The following EPB41L4A variants were observed in gnomAD, a reference collection of about 807,000 sequenced individuals.
EPB41L4A encodes the protein band 4.1-like protein 4A.
A neutral mutation model predicts 108.6 loss-of-function variants in EPB41L4A; 100 were observed. The ratio of observed to expected loss-of-function variants is 0.92; its 90% CI spans 0.78 to 1.09. The LOEUF (loss-of-function observed/expected upper bound fraction) is 1.09. Ranked by LOEUF, EPB41L4A falls within the 50% of genes least tolerant of loss-of-function variation. The pLI is 0.00. For synonymous variants in EPB41L4A, 319 were observed against 289.0 expected, an observed-to-expected ratio of 1.10 and a Z score of -1.05; for missense variants, 1,030 against 842.7, an observed-to-expected ratio of 1.22 and a Z score of -2.75.
At chr5:112,146,040 A>G (rs17134156) in intron 12 of EPB41L4A, 4 of 454,298 alleles carry the variant, frequency 8.8e-6, no homozygotes, top group South Asian at 1.6e-5. Flanking sequence ...GTCAAACCCA[A>G]TCTGGCTTCT....
At chr5:112,239,877 T>G in intron 10 of EPB41L4A, 140 bp from the exon 11 acceptor site, 1 of 475,914 alleles carries the variant, frequency 2.1e-6, no homozygotes. Context: ...CAATTCATAC[T>G]CCATGAGGAT....
intron 15 of EPB41L4A, among the ~76,000 whole-genome samples, chr5:112,197,912 T>C (rs1056675130): frequency 6.6e-6 from 1 of 152,214 alleles, no homozygotes; most frequent in East Asian, 1.9e-4. Flanking sequence ...AATGTCTTTA[T>C]TCTATACAAA....
intron 15 of EPB41L4A, among the ~76,000 whole-genome samples, chr5:112,199,608 T>C (rs1028837689): frequency 3.3e-5 from 5 of 152,170 alleles, no homozygotes; most frequent in Non-Finnish European, 7.4e-5. Context: ...CCCATGTGAA[T>C]CCCACACTTG....
At chr5:112,159,966 A>T (rs1759793099), downstream of EPB41L4A, among the ~76,000 whole-genome samples, 1 of 141,338 alleles carries the variant, frequency 7.1e-6, no homozygotes, top group Non-Finnish European at 1.5e-5. Context: ...AAGTGGCATG[A>T]TCTCGGCTCA....
At chr5:112,383,836 G>A (rs933191480) in intron 1 of EPB41L4A, among the ~76,000 whole-genome samples, 10 of 151,968 alleles carry the variant, frequency 6.6e-5, no homozygotes, top group African/African-American at 2.2e-4. Flanking sequence ...ACTATATTGG[G>A]ACAAAAAGTT....
chr5:112,240,659 T>C (rs1749712518), intron 10 of EPB41L4A, 60 bp downstream of exon 10: 2 of 952,154 alleles, frequency 2.1e-6, no homozygotes, highest in East Asian at 2.7e-5. Context: ...ATTCTTTTTA[T>C]AAAAATAAAT....
chr5:112,214,581 G>C (rs1385784562), intron 12 of EPB41L4A, among the ~76,000 whole-genome samples: 1 of 152,108 alleles, frequency 6.6e-6, no homozygotes, highest in African/African-American at 2.4e-5. Flanking sequence ...GGCTAAAGCA[G>C]TGAAACCCCA....
At chr5:112,145,885 C>A (rs1364357119) in exon 13 of EPB41L4A, 4 of 455,514 alleles carry the variant, frequency 8.8e-6, no homozygotes, top group Non-Finnish European at 1.8e-5. Flanking sequence ...ACTTACATCC[C>A]AGCCCCAATA....
At chr5:112,234,554 A>C in intron 12 of EPB41L4A, 80 bp downstream of exon 12, 1 of 1,343,616 alleles carries the variant, frequency 7.4e-7, no homozygotes, top group Non-Finnish European at 1.0e-6. Flanking sequence ...AGAGTTATAG[A>C]CATCACCTGA....
chr5:112,168,671 C>T (rs1760392016), intron 22 of EPB41L4A, 68 bp downstream of exon 22: 1 of 1,320,888 alleles, frequency 7.6e-7, no homozygotes, highest in South Asian at 1.2e-5. Context: ...AGGAACTTTC[C>T]AAAGCACAAA....
intron 1 of EPB41L4A, among the ~76,000 whole-genome samples, chr5:112,352,069 T>G (rs1409293214): frequency 6.6e-6 from 1 of 152,220 alleles, no homozygotes; most frequent in Non-Finnish European, 1.5e-5. Flanking sequence ...CTGAAAGCTA[T>G]CTTTTTAAAA....
intron 9 of EPB41L4A, among the ~76,000 whole-genome samples, chr5:112,254,603 T>A (rs1195525212): frequency 6.6e-6 from 1 of 152,148 alleles, no homozygotes; most frequent in Non-Finnish European, 1.5e-5. Context: ...AGAGTCAGGC[T>A]GAACCAGGCA....
In EPB41L4A at chr5:112,419,273, G is replaced by T. The variant is rs1212576063; in HGVS notation, c.-234C>A. ...GGGAGCCGCCGGGGAAGCGCCGGCG[G>T]AACTGGGCGCGGAGGGCGGTGGCGC... is the stretch of plus-strand genomic sequence containing the variant. On this transcript the variant is annotated 5_prime_UTR_variant, in exon 1 of 23. Transcript: ENST00000261486. 3.1e-5 allele frequency: 12 copies of T among 389,488 alleles called. No homozygotes were observed. The East Asian group carries it at 5.8e-4, about 19-fold the overall frequency. 24.1% of individuals were successfully genotyped at this position (389,488 alleles called of 1,614,324 possible). A position where few individuals can be genotyped will look rare whatever the true frequency, so the allele number is the denominator to read the frequency against.
intron 9 of EPB41L4A, among the ~76,000 whole-genome samples, chr5:112,254,571 T>A (rs1750932277): frequency 6.6e-6 from 1 of 152,134 alleles, no homozygotes; most frequent in African/African-American, 2.4e-5. Flanking sequence ...TGCCCACAGT[T>A]AAGAGAGGCC....
chr5:112,246,345 T>C (rs1316430860), intron 9 of EPB41L4A, among the ~76,000 whole-genome samples: 2 of 152,154 alleles, frequency 1.3e-5, no homozygotes, highest in Non-Finnish European at 2.9e-5. Context: ...ATACTTACCA[T>C]AGTGTTCCAA....
intron 12 of EPB41L4A, among the ~76,000 whole-genome samples, chr5:112,148,643 C>T (rs985317818): frequency 1.3e-5 from 2 of 152,164 alleles, no homozygotes; most frequent in African/African-American, 4.8e-5. Flanking sequence ...CTTGCCACCT[C>T]TGAGAAACAG....
Position 112,313,486 on chromosome 5 carries a change from G to T in EPB41L4A, c.100-5996C>A, listed in dbSNP as rs1193327870. On this transcript the variant is annotated intron_variant, in intron 1 of 22. Coordinates refer to ENST00000261486, the MANE Select transcript of EPB41L4A (RefSeq NM_022140.5). ...CGCGCCTGTAATCCCAGCTTCTCAG[G>T]AGGCTGAGGCAGAAGAATCGCTTGA... Among the ~76,000 whole-genome samples the T allele has an allele frequency of 2.6e-5, 4 of 152,156 alleles. No individual in the cohort carries two copies. The South Asian group carries it at 6.2e-4, about 24-fold the overall frequency.
At chr5:112,272,198 A>C (rs1240760109) in intron 4 of EPB41L4A, among the ~76,000 whole-genome samples, 1 of 143,696 alleles carries the variant, frequency 7.0e-6, no homozygotes, top group Non-Finnish European at 1.5e-5. Context: ...GCAGTGCCGC[A>C]ATCTTGGCTC....
chr5:112,302,175 C>A (rs1026219988), intron 2 of EPB41L4A, among the ~76,000 whole-genome samples: 1 of 152,032 alleles, frequency 6.6e-6, no homozygotes, highest in Admixed American at 6.6e-5. Context: ...AATTTCAATT[C>A]TCAACCTAAA....
Sources: gnomAD v4.1 joint callset for allele counts (sites outside exome capture counted in the v4.1 genomes callset) on GRCh38, gnomAD v4.1.1 for gene constraint, MANE v1.5 for transcripts, NCBI Gene and HGNC (gene_info 2026-07-23, HGNC 2026-07-21) for gene names.